The following ATRIP variants were observed in gnomAD, a reference collection of about 807,000 sequenced individuals.
ATRIP encodes ATR-interacting protein.
A neutral mutation model predicts 78.1 loss-of-function variants in ATRIP; 44 were observed. The observed-to-expected ratio is 0.56, with a 90% CI of 0.44 to 0.72. The LOEUF (loss-of-function observed/expected upper bound fraction) is 0.72. ATRIP is among the 30% of genes least tolerant of loss of function. The pLI is 0.00. For synonymous variants in ATRIP, 388 were observed against 408.9 expected (o/e 0.95, Z 0.62); for missense variants, 927 against 980.2 (o/e 0.95, Z 0.72).
chr3:48,446,746 G>T lies in ATRIP; in HGVS notation c.-100G>T. On this transcript the variant is annotated 5_prime_UTR_variant, in exon 1 of 13. Transcript: ENST00000320211. Reference sequence around the variant, plus strand: ...GGGCCAGGGGCGGGGCACTCGCGGCGGAGGCAAGCGGCGGCGCGCGGACGG... The same window carrying T: ...GGGCCAGGGGCGGGGCACTCGCGGCTGAGGCAAGCGGCGGCGCGCGGACGG... 2.3e-6 allele frequency: 3 copies of T among 1,308,234 alleles called. No individual in the cohort carries two copies. Among genetic ancestry groups the T allele is most frequent in the Non-Finnish European group, 2.0e-6 (2 of 1,024,556 alleles). 81.0% of individuals were successfully genotyped at this position (1,308,234 alleles called of 1,614,324 possible). A position where few individuals can be genotyped will look rare whatever the true frequency, so the allele number is the denominator to read the frequency against.
At chr3:48,462,530 C>T (rs554134780) in intron 8 of ATRIP, among the ~76,000 whole-genome samples, 2 of 152,118 alleles carry the variant, frequency 1.3e-5, no homozygotes, top group South Asian at 2.1e-4. Flanking sequence ...GGTGAAACCC[C>T]GTCTCTACTA....
chr3:48,452,870 ATTTTTTTTTTTT>A (rs71074246), intron 3 of ATRIP, among the ~76,000 whole-genome samples: 1 of 117,504 alleles, frequency 8.5e-6, no homozygotes, highest in African/African-American at 3.3e-5. Context: ...AAATTATTGA[ATTTTTTTTTTTT>A]TTTTTTTTTT....
Position 48,467,541 on chromosome 3 carries a change from A to G in ATRIP, c.*1987A>G. The G allele has an allele frequency of 6.2e-7, 1 of 1,613,898 alleles. No homozygotes were observed. Among genetic ancestry groups the G allele is most frequent in the South Asian group, 1.1e-5 (1 of 91,090 alleles). On this transcript the variant is annotated 3_prime_UTR_variant, in exon 13 of 13. Transcript: ENST00000320211. ...GCTGGCCCCACTGGGTCTGCTGGCC[A>G]TCCTGACCTTGGCAGTAGCCACACT... is the stretch of plus-strand genomic sequence containing the variant.
At position 48,459,872 on chromosome 3, in the gene ATRIP, T is replaced by C. The variant is rs1478139209; in HGVS notation, c.1011T>C (p.Ser337=). 6.2e-7 allele frequency: 1 copy of C among 1,614,062 alleles called. No individual in the cohort carries two copies. Among genetic ancestry groups the C allele is most frequent in the Admixed American group, 1.7e-5 (1 of 59,992 alleles). Residue 337 remains serine (S), a synonymous_variant, in exon 7 of 13, where the codon TCT becomes TCC. Transcript: ENST00000320211. The stretch of plus-strand genomic sequence containing the variant: ...TTTGCCACCTCCTGAGTAGTAGTTC[T>C]GAGTCTCCTGCTGGCACCCCCCTGC... The part of the protein sequence containing the change: ...LSLCHLLSSS[S]ESPAGTPLQP...
chr3:48,465,521 C>G lies in ATRIP; in HGVS notation c.2343C>G (p.Thr781=), dbSNP rs776600109. The G allele has an allele frequency of 4.3e-6, 7 of 1,613,730 alleles. No individual in the cohort carries two copies. In the African/African-American group the frequency reaches 8.0e-5, roughly 18 times the overall value. ...AALDDLCAAE[T]DVEDPEVECG The stretch of plus-strand genomic sequence containing the variant: ...TGGATGACCTCTGTGCCGCGGAAAC[C>G]GATGTGGAAGACCCCGAGGTGGAGT... Residue 781 remains threonine (T), a synonymous_variant, in exon 13 of 13, where the codon ACC becomes ACG. Coordinates refer to ENST00000320211, the MANE Select transcript of ATRIP (RefSeq NM_130384.3).
intron 8 of ATRIP, 83 bp from the exon 9 acceptor site, chr3:48,463,662 C>T (rs2040180313): frequency 2.6e-6 from 4 of 1,556,248 alleles, no homozygotes; most frequent in South Asian, 1.2e-5. Context: ...GCTCAATTTT[C>T]TGTTACCTCT....
In ATRIP at chr3:48,466,177, A is replaced by T; in HGVS notation, c.*623A>T. On this transcript the variant is annotated 3_prime_UTR_variant, in exon 13 of 13. Transcript: ENST00000320211. ...GAGGGACAGACCAGGCAGGCTGACG[A>T]GCAGGGCGGGCCTGGCTCACGTGGG... 1 of 510,380 alleles carries T rather than the reference A, an allele frequency of 2.0e-6. No individual in the cohort carries two copies. The highest frequency in any genetic ancestry group is 3.6e-6 in the Non-Finnish European group (1 of 278,272). 31.6% of individuals were successfully genotyped at this position (510,380 alleles called of 1,614,324 possible). A position where few individuals can be genotyped will look rare whatever the true frequency, so the allele number is the denominator to read the frequency against.
Position 48,463,835 on chromosome 3 carries a change from G to A in ATRIP, c.1836G>A (p.Leu612=). Residue 612 remains leucine (L), a synonymous_variant, in exon 9 of 13, where the codon CTG becomes CTA. Transcript: ENST00000320211. ...TGCTGGCTGTTGAGCTCCTCTCCCT[G>A]CTGGCGGACCACGACCAGCTGGCAC... The part of the protein sequence containing the change: ...SVLLAVELLS[L]LADHDQLAPQ... The A allele has an allele frequency of 6.2e-7, 1 of 1,614,126 alleles. No homozygotes were observed. Among genetic ancestry groups the A allele is most frequent in the Admixed American group, 1.7e-5 (1 of 59,998 alleles).
intron 1 of ATRIP, chr3:48,447,428 G>C (rs1243654959): frequency 9.7e-7 from 1 of 1,030,514 alleles, no homozygotes; most frequent in East Asian, 8.4e-5. Context: ...CCCATGCATG[G>C]GGACCCATTC....
intron 8 of ATRIP, 94 bp from the exon 9 acceptor site, chr3:48,463,651 T>TG (rs1263430258): frequency 6.5e-7 from 1 of 1,526,772 alleles, no homozygotes; most frequent in Non-Finnish European, 8.9e-7. Context: ...CATACTGACT[T>TG]GCTCAATTTT....
At position 48,467,477 on chromosome 3, in the gene ATRIP, T is replaced by G; in HGVS notation, c.*1923T>G. ...AGAGCAGGGGTACCAAGGATCTTCC[T>G]CCAGTGAAGGACCCTGGAGCCCTAT... On this transcript the variant is annotated 3_prime_UTR_variant, in exon 13 of 13. Coordinates refer to ENST00000320211, the MANE Select transcript of ATRIP (RefSeq NM_130384.3). 1 of 1,614,098 alleles carries G rather than the reference T, an allele frequency of 6.2e-7. No individual in the cohort carries two copies. The highest frequency in any genetic ancestry group is 8.5e-7 in the Non-Finnish European group (1 of 1,180,016).
chr3:48,452,686 C>A (rs915652212), intron 3 of ATRIP, among the ~76,000 whole-genome samples: 1 of 151,760 alleles, frequency 6.6e-6, no homozygotes, highest in Non-Finnish European at 1.5e-5. Context: ...TAGAGCGAGA[C>A]CCTGTTTCAA....
rs2107256761 is a variant in ATRIP, at chr3:48,466,862, G to A, written c.*1308G>A. 1.2e-6 allele frequency: 2 copies of A among 1,613,730 alleles called. No individual in the cohort carries two copies. The highest frequency in any genetic ancestry group is 2.2e-5 in the South Asian group (2 of 91,078). On this transcript the variant is annotated 3_prime_UTR_variant, in exon 13 of 13. Transcript: ENST00000320211. ...CGCGTGTGGTAGACAAGCTCTCCCT[G>A]TGTGTGGCTCCGGGGAAGGCCTGCA...
Position 48,466,948 on chromosome 3 carries a change from A to AATG in ATRIP, c.*1395_*1397dup. 2.5e-6 allele frequency: 4 copies of AATG among 1,611,932 alleles called. No homozygotes were observed. The highest frequency in any genetic ancestry group is 3.4e-6 in the Non-Finnish European group (4 of 1,180,010). ...GCTGTGCTGGCAGCGCATGGGCGTC[A>AATG]ATGTTTTGATGACAACCTGGCCAAC... On this transcript the variant is annotated 3_prime_UTR_variant, in exon 13 of 13. Transcript: ENST00000320211.
Position 48,459,922 on chromosome 3 carries a change from C to A in ATRIP, c.1055+6C>A. 1 of 1,602,488 alleles carries A rather than the reference C, an allele frequency of 6.2e-7. No homozygotes were observed. Among genetic ancestry groups the A allele is most frequent in the East Asian group, 2.2e-5 (1 of 44,842 alleles). ...CAGCCACCAGGGTTTGGCAGGTAAG[C>A]ATAAGACTCCTGGAAAGCTTGTTTG... On this transcript the variant is annotated splice_donor_region_variant and intron_variant, in intron 7 of 12. Transcript: ENST00000320211.
intron 9 of ATRIP, 74 bp from the exon 10 acceptor site, chr3:48,463,967 G>A: frequency 1.2e-6 from 2 of 1,604,586 alleles, no homozygotes; most frequent in Non-Finnish European, 1.7e-6. Flanking sequence ...GGCCTCAGAG[G>A]GCTTCTGCAG....
chr3:48,447,646 C>T, intron 1 of ATRIP: 2 of 644,624 alleles, frequency 3.1e-6, no homozygotes, highest in Non-Finnish European at 1.9e-6. Flanking sequence ...ATGGAGCTTA[C>T]ATTCTAGTTG....
At position 48,460,150 on chromosome 3, in the gene ATRIP, TATG is replaced by T. The variant is rs1374327898; in HGVS notation, c.1100_1102del (p.Asp367del). 1 of 1,613,664 alleles carries T rather than the reference TATG, an allele frequency of 6.2e-7. No individual in the cohort carries two copies. Among genetic ancestry groups the T allele is most frequent in the African/African-American group, 1.3e-5 (1 of 74,908 alleles). On this transcript the variant is annotated inframe_deletion, in exon 8 of 13. Transcript: ENST00000320211. The stretch of plus-strand genomic sequence containing the variant: ...GTCAGGCCTCAGGACCACAGGTTCT[TATG>T]ATGGGTCATTTTCCCTCTCAGCCCT...
intron 1 of ATRIP, among the ~76,000 whole-genome samples, chr3:48,448,024 C>T (rs1010920198): frequency 2.0e-5 from 3 of 152,230 alleles, no homozygotes; most frequent in African/African-American, 7.2e-5. Flanking sequence ...CATGAGTCCT[C>T]TCTTGAACAA....
Sources: gnomAD v4.1 joint callset for allele counts (sites outside exome capture counted in the v4.1 genomes callset) on GRCh38, gnomAD v4.1.1 for gene constraint, MANE v1.5 for transcripts, NCBI Gene and HGNC (gene_info 2026-07-23, HGNC 2026-07-21) for gene names.